Variants in CDKAL1 observed in about 807,000 individuals in gnomAD.
The protein encoded by CDKAL1 is threonylcarbamoyladenosine tRNA methylthiotransferase.
Under a neutral mutation model 68.2 loss-of-function variants are expected in CDKAL1, and 32 were observed. The observed-to-expected ratio is 0.47, with a 90% confidence interval of 0.35 to 0.63. The LOEUF (loss-of-function observed/expected upper bound fraction) is 0.63, where lower values mean the gene tolerates loss of function less well. CDKAL1 is among the 30% of genes least tolerant of loss of function. The pLI is 0.00. For missense variants in CDKAL1, 606 were observed against 696.7 expected (o/e 0.87, Z 1.47); for synonymous variants, 234 against 244.3 (o/e 0.96, Z 0.39).
chr6:20,636,301 C>G lies in CDKAL1; in HGVS notation c.287-12992C>G, dbSNP rs150273183. Reference sequence around the variant, plus strand: ...GCTGTTGTTCATTTTGGTGTTCCTTCCCATTCCCTGTTTGGAGTCTTGGAT... The same window carrying G: ...GCTGTTGTTCATTTTGGTGTTCCTTGCCATTCCCTGTTTGGAGTCTTGGAT... On this transcript the variant is annotated intron_variant, in intron 4 of 15. Transcript: ENST00000274695. Among the ~76,000 whole-genome samples, 21 of 152,288 alleles carry G rather than the reference C, an allele frequency of 1.4e-4. No homozygotes were observed. In the South Asian group the frequency reaches 4.1e-3, roughly 30 times the overall value.
At chr6:21,221,234 T>G (rs1016107054) in intron 15 of CDKAL1, among the ~76,000 whole-genome samples, 2 of 152,222 alleles carry the variant, frequency 1.3e-5, no homozygotes, top group African/African-American at 2.4e-5. Flanking sequence ...ACCAGAATTT[T>G]TTTCATGGAG....
intron 5 of CDKAL1, among the ~76,000 whole-genome samples, chr6:20,670,035 G>A (rs1465377684): frequency 1.3e-5 from 2 of 152,086 alleles, no homozygotes; most frequent in African/African-American, 4.8e-5. Context: ...TTTGATTTTA[G>A]CATCTCCCTT....
intron 9 of CDKAL1, among the ~76,000 whole-genome samples, chr6:20,899,829 C>G (rs1272346605): frequency 6.6e-6 from 1 of 152,086 alleles, no homozygotes; most frequent in Non-Finnish European, 1.5e-5. Flanking sequence ...GGCGACAGAG[C>G]GAAACTCCGT....
intron 5 of CDKAL1, among the ~76,000 whole-genome samples, chr6:20,681,192 G>GAGGTGAATCCCTCATTCCC (rs1770360127): frequency 1.3e-5 from 2 of 152,314 alleles, no homozygotes; most frequent in Admixed American, 1.3e-4. Context: ...GCCTCATTCT[G>GAGGTGAATCCCTCATTCCC]TAGGTGAATC....
intron 13 of CDKAL1, among the ~76,000 whole-genome samples, chr6:21,173,216 T>A (rs1383085261): frequency 6.6e-6 from 1 of 152,036 alleles, no homozygotes; most frequent in African/African-American, 2.4e-5. Context: ...ATTTTTGTAA[T>A]ATTTTATATT....
intron 5 of CDKAL1, among the ~76,000 whole-genome samples, chr6:20,656,894 AT>A (rs1366561473): frequency 8.5e-5 from 13 of 152,188 alleles, no homozygotes; most frequent in Admixed American, 8.5e-4. Flanking sequence ...ATGATTAAGT[AT>A]TTTTAATGGC....
chr6:20,795,278 C>T (rs954449904), intron 8 of CDKAL1, among the ~76,000 whole-genome samples: 1 of 152,094 alleles, frequency 6.6e-6, no homozygotes, highest in Non-Finnish European at 1.5e-5. Flanking sequence ...TGTTTTCATT[C>T]TAAAGTCTCT....
chr6:21,149,941 T>A (rs1303557282), intron 13 of CDKAL1, among the ~76,000 whole-genome samples: 1 of 152,160 alleles, frequency 6.6e-6, no homozygotes, highest in Admixed American at 6.5e-5. Flanking sequence ...CAGTGCAAGC[T>A]CCGCCTCCTG....
chr6:20,724,630 C>T (rs867637355), intron 5 of CDKAL1, among the ~76,000 whole-genome samples: 3 of 152,000 alleles, frequency 2.0e-5, no homozygotes, highest in South Asian at 2.1e-4. Context: ...GCCTGGGGGG[C>T]GGAGGTTGCA....
intron 4 of CDKAL1, among the ~76,000 whole-genome samples, chr6:20,617,569 T>G (rs1766977196): frequency 6.6e-6 from 1 of 152,108 alleles, no homozygotes; most frequent in African/African-American, 2.4e-5. Flanking sequence ...CCTCCCCCTG[T>G]CCTCCACCCC....
chr6:21,185,544 T>C (rs896471679), intron 13 of CDKAL1, among the ~76,000 whole-genome samples: 1 of 152,208 alleles, frequency 6.6e-6, no homozygotes, highest in Non-Finnish European at 1.5e-5. Flanking sequence ...TTCATCTATT[T>C]TCTCACTTGT....
intron 4 of CDKAL1, chr6:20,558,472 A>G (rs1764146013): frequency 2.2e-6 from 1 of 455,216 alleles, no homozygotes; most frequent in Non-Finnish European, 4.4e-6. Flanking sequence ...TCTGTATGAT[A>G]AACAACTGGG....
At chr6:20,613,249 CTTTTTTT>C (rs71559677) in intron 4 of CDKAL1, among the ~76,000 whole-genome samples, 26 of 77,810 alleles carry the variant, frequency 3.3e-4, no homozygotes, top group Non-Finnish European at 3.4e-4. Context: ...AAATTTCTTT[CTTTTTTT>C]TTTTTTTTTT....
chr6:20,726,254 G>T (rs1287396754), intron 5 of CDKAL1, among the ~76,000 whole-genome samples: 1 of 151,936 alleles, frequency 6.6e-6, no homozygotes, highest in African/African-American at 2.4e-5. Context: ...TTGACCAATT[G>T]CCAATCAGAA....
At chr6:21,015,111 GTAC>G (rs1377408693) in intron 11 of CDKAL1, among the ~76,000 whole-genome samples, 4 of 152,184 alleles carry the variant, frequency 2.6e-5, no homozygotes, top group Admixed American at 6.6e-5. Context: ...CAGGTGTCCA[GTAC>G]ATTGGAGTTA....
chr6:20,699,852 C>A (rs916954987), intron 5 of CDKAL1, among the ~76,000 whole-genome samples: 1 of 152,114 alleles, frequency 6.6e-6, no homozygotes, highest in African/African-American at 2.4e-5. Flanking sequence ...TTAATTTTAC[C>A]TGTCTACTGA....
chr6:21,177,619 T>A, intron 13 of CDKAL1, among the ~76,000 whole-genome samples: 1 of 151,722 alleles, frequency 6.6e-6, no homozygotes, highest in East Asian at 1.9e-4. Context: ...AAGAGTATGA[T>A]ATGTCTTCAA....
intron 11 of CDKAL1, among the ~76,000 whole-genome samples, chr6:21,059,478 A>G (rs1465596405): frequency 6.6e-6 from 1 of 152,218 alleles, no homozygotes; most frequent in Non-Finnish European, 1.5e-5. Flanking sequence ...GCACAGATTC[A>G]TGGAAAAAGC....
At chr6:20,700,907 T>G (rs1771323734) in intron 5 of CDKAL1, among the ~76,000 whole-genome samples, 1 of 151,768 alleles carries the variant, frequency 6.6e-6, no homozygotes, top group Non-Finnish European at 1.5e-5. Flanking sequence ...TTTTTTTTTT[T>G]TTTTACACTT....
Sources: allele counts gnomAD v4.1 joint callset (sites outside exome capture counted in the v4.1 genomes callset), GRCh38; gene constraint gnomAD v4.1.1; transcripts MANE v1.5; gene names NCBI Gene and HGNC (gene_info 2026-07-23, HGNC 2026-07-21).